Variants in SCAPER observed in about 807,000 individuals in gnomAD.
SCAPER encodes the protein S-phase cyclin A associated protein in the ER.
SCAPER carries 98 observed loss-of-function variants against 182.2 expected under a neutral mutation model. That is an observed-to-expected ratio of 0.54 (90% CI 0.46 to 0.64). The LOEUF (loss-of-function observed/expected upper bound fraction) is 0.64. SCAPER is among the 30% of genes least tolerant of loss of function. The pLI is 0.00. For synonymous variants in SCAPER, 605 were observed against 564.6 expected, an observed-to-expected ratio of 1.07 and a Z score of -1.01; for missense variants, 1,432 against 1,690.0, an observed-to-expected ratio of 0.85 and a Z score of 2.68.
intron 5 of SCAPER, among the ~76,000 whole-genome samples, chr15:76,839,707 C>A (rs2069280570): frequency 6.6e-6 from 1 of 152,144 alleles, no homozygotes; most frequent in Non-Finnish European, 1.5e-5. Context: ...ACAAAAAAAT[C>A]TATTGCTAGT....
rs1363175352 is a variant in SCAPER at position 76,595,434 on chromosome 15, G to A, written c.2712-21150C>T. Among the ~76,000 whole-genome samples, 8 of 121,386 alleles carry A rather than the reference G, an allele frequency of 6.6e-5. 1 individual carries two copies. The highest frequency in any genetic ancestry group is 2.6e-4 in the South Asian group (1 of 3,914). 79.6% of individuals were successfully genotyped at this position (121,386 alleles called of 152,430 possible). A position where few individuals can be genotyped will look rare whatever the true frequency, so the allele number is the denominator to read the frequency against. The stretch of plus-strand genomic sequence containing the variant: ...GCAGAAAATTAACAAGGATATTCAG[G>A]ACTTGAACTTGGCTCTGGACTAAGT... On this transcript the variant is annotated intron_variant, in intron 22 of 31. Transcript: ENST00000563290.
chr15:76,399,612 A>G (rs2044315263), intron 27 of SCAPER, among the ~76,000 whole-genome samples: 1 of 152,254 alleles, frequency 6.6e-6, no homozygotes, highest in Non-Finnish European at 1.5e-5. Flanking sequence ...GTTCAAAACT[A>G]AGCCTGGTAC....
chr15:76,799,668 T>C (rs914577284), intron 7 of SCAPER, among the ~76,000 whole-genome samples: 5 of 152,162 alleles, frequency 3.3e-5, no homozygotes, highest in African/African-American at 1.2e-4. Flanking sequence ...GAATGCAACA[T>C]CTTGAAATAA....
chr15:76,775,241 GAGT>G, intron 8 of SCAPER, 124 bp from the exon 9 acceptor site: 1 of 792,562 alleles, frequency 1.3e-6, no homozygotes, highest in Middle Eastern at 3.8e-4. Context: ...ACAAACATGA[GAGT>G]ATTATACAAA....
In SCAPER at chr15:76,903,060, C is replaced by CA. The variant is rs34255827; in HGVS notation, c.-60+2238dup. On this transcript the variant is annotated intron_variant, in intron 1 of 31. Transcript: ENST00000563290. Reference sequence around the variant, plus strand: ...TGGGTGACAGAGTGAGACTCGGTTTCAAAAAAAAAAAAAAGAAAGTGAAAG... The same window carrying CA: ...TGGGTGACAGAGTGAGACTCGGTTTCAAAAAAAAAAAAAAAGAAAGTGAAAG... Among the ~76,000 whole-genome samples the CA allele has an allele frequency of 2.7e-3, 374 of 137,920 alleles. 7 individuals are homozygous for CA. The highest frequency in any genetic ancestry group is 8.1e-3 in the African/African-American group (284 of 35,166). 90.5% of individuals were successfully genotyped at this position (137,920 alleles called of 152,430 possible). A position where few individuals can be genotyped will look rare whatever the true frequency, so the allele number is the denominator to read the frequency against.
Position 76,784,731 on chromosome 15 carries a change from A to G in SCAPER, c.773-9614T>C, listed in dbSNP as rs2064450172. ...GAACAGAGGCCTCAGAAATAACACCACACATCTACAACCATCTGACCTTTG... is the reference window on the plus strand; with the variant it reads ...GAACAGAGGCCTCAGAAATAACACCGCACATCTACAACCATCTGACCTTTG... On this transcript the variant is annotated intron_variant, in intron 8 of 31. Coordinates refer to ENST00000563290, the MANE Select transcript of SCAPER (RefSeq NM_020843.4). Among the ~76,000 whole-genome samples, 2 of 152,164 alleles carry G rather than the reference A, an allele frequency of 1.3e-5. 1 individual carries two copies. The highest frequency in any genetic ancestry group is 4.1e-4 in the South Asian group (2 of 4,834).
intron 8 of SCAPER, among the ~76,000 whole-genome samples, chr15:76,781,466 C>A (rs1287797369): frequency 1.3e-5 from 2 of 152,172 alleles, no homozygotes; most frequent in Non-Finnish European, 1.5e-5. Context: ...AAACACTCTT[C>A]AGGATATTAT....
chr15:76,511,943 C>T (rs1186220393), intron 23 of SCAPER, among the ~76,000 whole-genome samples: 4 of 147,286 alleles, frequency 2.7e-5, no homozygotes, highest in East Asian at 2.0e-4. Flanking sequence ...GGTGCAATGG[C>T]GTGATCTCGG....
At chr15:76,900,395 A>C (rs2074715869) in intron 1 of SCAPER, among the ~76,000 whole-genome samples, 1 of 151,978 alleles carries the variant, frequency 6.6e-6, no homozygotes, top group African/African-American at 2.4e-5. Flanking sequence ...TACATACAAA[A>C]AAAAATATGG....
At chr15:76,753,748 A>G (rs1005782118) in intron 15 of SCAPER, 60 bp downstream of exon 15, 4 of 1,535,850 alleles carry the variant, frequency 2.6e-6, no homozygotes, top group Non-Finnish European at 3.5e-6. Context: ...TTACTATTAT[A>G]TAACAATTCA....
chr15:76,348,427 A>G lies in SCAPER; in HGVS notation c.*206T>C. On this transcript the variant is annotated 3_prime_UTR_variant, in exon 32 of 32. Coordinates refer to ENST00000563290, the MANE Select transcript of SCAPER (RefSeq NM_020843.4). ...ACCAAACTCCAAGATACTCTGCATA[A>G]ATGAAATAAACTCAACTTGCAAAAT... 2.5e-6 allele frequency: 1 copy of G among 393,036 alleles called. No homozygotes were observed. Among genetic ancestry groups the G allele is most frequent in the Non-Finnish European group, 4.6e-6 (1 of 215,214 alleles). The allele number at this position is 393,036 out of a possible 1,614,324, so 24.3% of individuals were successfully genotyped here. A position where few individuals can be genotyped will look rare whatever the true frequency, so the allele number is the denominator to read the frequency against.
intron 23 of SCAPER, among the ~76,000 whole-genome samples, chr15:76,526,857 T>C (rs1356807839): frequency 6.8e-6 from 1 of 146,864 alleles, no homozygotes; most frequent in East Asian, 2.0e-4. Context: ...TTTCAAATAG[T>C]TTTTTTTTTT....
At chr15:76,415,002 T>G (rs2045555366) in intron 26 of SCAPER, among the ~76,000 whole-genome samples, 1 of 152,228 alleles carries the variant, frequency 6.6e-6, no homozygotes, top group African/African-American at 2.4e-5. Context: ...GGCTTCATTT[T>G]CTACAACTAA....
At chr15:76,498,199 T>C (rs1291907193) in intron 24 of SCAPER, 1 of 152,152 alleles carries the variant, frequency 6.6e-6, no homozygotes, top group Non-Finnish European at 1.5e-5. Flanking sequence ...TTTCCGTGAC[T>C]GTAAGTTCCC....
rs756402457 is a variant in SCAPER at position 76,774,848 on chromosome 15, G to A, written c.1035+7C>T. 10 of 1,606,380 alleles carry A rather than the reference G, an allele frequency of 6.2e-6. No homozygotes were observed. In the East Asian group the frequency reaches 2.2e-4, roughly 36 times the overall value. On this transcript the variant is annotated splice_region_variant and intron_variant, in intron 9 of 31. Transcript: ENST00000563290. The stretch of plus-strand genomic sequence containing the variant: ...AAGACAGTAAAAGGATTTTCAGAAT[G>A]TACTACCTGGGTTTTTTCGGCAAGA...
intron 2 of SCAPER, among the ~76,000 whole-genome samples, chr15:76,880,980 C>A (rs1025717573): frequency 3.9e-5 from 6 of 152,084 alleles, no homozygotes; most frequent in African/African-American, 1.4e-4. Context: ...GCAGCCACTG[C>A]GGAAAACACT....
chr15:76,442,625 T>C (rs2047695097), intron 25 of SCAPER, among the ~76,000 whole-genome samples: 1 of 152,220 alleles, frequency 6.6e-6, no homozygotes, highest in Non-Finnish European at 1.5e-5. Flanking sequence ...CCCTTATACA[T>C]ATTTATCCAT....
At chr15:76,400,020 A>G (rs913390757) in intron 27 of SCAPER, among the ~76,000 whole-genome samples, 24 of 149,940 alleles carry the variant, frequency 1.6e-4, no homozygotes, top group Middle Eastern at 3.4e-3. Context: ...AAAAAAAAAA[A>G]AGAGAAAAGA....
At chr15:76,378,658 G>C (rs2042733590) in intron 28 of SCAPER, among the ~76,000 whole-genome samples, 1 of 152,178 alleles carries the variant, frequency 6.6e-6, no homozygotes, top group African/African-American at 2.4e-5. Flanking sequence ...GAAGGCTTAT[G>C]ACTGATTCAA....
Sources: gnomAD v4.1 joint callset for allele counts (sites outside exome capture counted in the v4.1 genomes callset) on GRCh38, gnomAD v4.1.1 for gene constraint, MANE v1.5 for transcripts, NCBI Gene and HGNC (gene_info 2026-07-23, HGNC 2026-07-21) for gene names.